Variants in KDM7A observed in about 807,000 individuals in gnomAD.
The protein encoded by KDM7A is lysine-specific demethylase 7A.
KDM7A carries 28 observed loss-of-function variants against 114.8 expected under a neutral mutation model. The ratio of observed to expected loss-of-function variants is 0.24; its 90% CI spans 0.18 to 0.33. The LOEUF is 0.33. Among genes scored for constraint, KDM7A ranks in the 10% least tolerant of loss-of-function variants. The pLI is 1.00. For synonymous variants in KDM7A, 423 were observed against 397.8 expected (o/e 1.06, Z -0.75); for missense variants, 942 against 1,142.5 (o/e 0.82, Z 2.53).
chr7:140,123,110 A>G (rs1818641380), intron 7 of KDM7A, among the ~76,000 whole-genome samples: 1 of 152,240 alleles, frequency 6.6e-6, no homozygotes, highest in Non-Finnish European at 1.5e-5. Flanking sequence ...AATGCTCAGC[A>G]TCATTACTCA....
At chr7:140,112,121 A>G (rs745589634) in intron 10 of KDM7A, among the ~76,000 whole-genome samples, 1 of 152,248 alleles carries the variant, frequency 6.6e-6, no homozygotes, top group Non-Finnish European at 1.5e-5. Flanking sequence ...CACCTAGACA[A>G]TAAGGTCTTT....
At chr7:140,133,411 G>A (rs1166515194) in intron 3 of KDM7A, 128 bp downstream of exon 3, 1 of 559,528 alleles carries the variant, frequency 1.8e-6, no homozygotes, top group African/African-American at 1.9e-5. Flanking sequence ...GAAAAAAGGT[G>A]AAAAGCTGGC....
intron 11 of KDM7A, among the ~76,000 whole-genome samples, chr7:140,110,027 C>A (rs1458296857): frequency 1.3e-5 from 2 of 152,198 alleles, no homozygotes; most frequent in Non-Finnish European, 2.9e-5. Flanking sequence ...TGGATCCTTT[C>A]ATTCTTCTGA....
intron 11 of KDM7A, among the ~76,000 whole-genome samples, chr7:140,107,621 G>A (rs1388982777): frequency 6.6e-6 from 1 of 152,200 alleles, no homozygotes; most frequent in Non-Finnish European, 1.5e-5. Context: ...CTGGCTTGTA[G>A]AGTTTCTGCC....
Position 140,091,856 on chromosome 7 carries a change from G to T in KDM7A, c.2679C>A (p.Pro893=). ...GTGGATTTGATGCCGGTCTCTTGGT[G>T]GGGTGAAGGGGCACCGAGAAGGAAG... ...GETSFSVPLH[P]TKRPASNPPP... Residue 893 remains proline (P), a synonymous_variant, in exon 19 of 20, where the codon CCC becomes CCA. Coordinates refer to ENST00000397560, the MANE Select transcript of KDM7A (RefSeq NM_030647.2). 6.2e-7 allele frequency: 1 copy of T among 1,613,716 alleles called. No homozygotes were observed. The highest frequency in any genetic ancestry group is 8.5e-7 in the Non-Finnish European group (1 of 1,179,938).
intron 1 of KDM7A, among the ~76,000 whole-genome samples, chr7:140,167,007 T>C (rs1200515563): frequency 2.6e-5 from 4 of 152,116 alleles, no homozygotes; most frequent in South Asian, 4.1e-4. Flanking sequence ...ATCTCATTTA[T>C]AATACTAACA....
chr7:140,173,100 G>T (rs1242597370), intron 1 of KDM7A, among the ~76,000 whole-genome samples: 1 of 152,134 alleles, frequency 6.6e-6, no homozygotes, highest in African/African-American at 2.4e-5. Flanking sequence ...AAGTATTACA[G>T]AAAGACATCT....
chr7:140,145,762 C>A (rs1475536043), intron 1 of KDM7A, among the ~76,000 whole-genome samples: 1 of 152,094 alleles, frequency 6.6e-6, no homozygotes, highest in African/African-American at 2.4e-5. Flanking sequence ...TGGCCACATT[C>A]CTCACTCCTA....
chr7:140,100,679 TACATATATAC>T (rs1261700338), intron 12 of KDM7A, among the ~76,000 whole-genome samples: 938 of 63,692 alleles, frequency 0.015, 34 homozygotes, highest in African/African-American at 0.055. Context: ...TATATATATA[TACATATATAC>T]ATATATATAT....
At chr7:140,150,261 CATT>C (rs1228693304) in intron 1 of KDM7A, among the ~76,000 whole-genome samples, 2 of 152,140 alleles carry the variant, frequency 1.3e-5, no homozygotes, top group African/African-American at 4.8e-5. Context: ...CAAGAAGAAA[CATT>C]ATACAAAAAC....
At chr7:140,125,465 C>A (rs974152283) in intron 6 of KDM7A, among the ~76,000 whole-genome samples, 5 of 152,182 alleles carry the variant, frequency 3.3e-5, no homozygotes, top group Non-Finnish European at 7.3e-5. Flanking sequence ...AATTACATTC[C>A]ATTTTAATTA....
chr7:140,158,445 G>T (rs1794482816), intron 1 of KDM7A, among the ~76,000 whole-genome samples: 2 of 152,280 alleles, frequency 1.3e-5, no homozygotes, highest in South Asian at 2.1e-4. Flanking sequence ...TAAAGATTCT[G>T]CCCTGAACAA....
At chr7:140,122,165 TGA>T (rs1818626949) in intron 7 of KDM7A, among the ~76,000 whole-genome samples, 1 of 152,242 alleles carries the variant, frequency 6.6e-6, no homozygotes, top group Non-Finnish European at 1.5e-5. Flanking sequence ...GTGTTGCCAC[TGA>T]CACACACCTA....
rs1585175445 is a variant in KDM7A, at chr7:140,176,957, G to C, written c.-20C>G. ...GGCCATCTTTAAAAAACACACACAC[G>C]CTCGCTCGCTACTCCGCTCGCCGAC... On this transcript the variant is annotated 5_prime_UTR_variant, in exon 1 of 20. Transcript: ENST00000397560. The surrounding 1 kb of genome is among the most constrained non-coding windows in gnomAD (Gnocchi z 4.4). 4 of 1,120,018 alleles carry C rather than the reference G, an allele frequency of 3.6e-6. No individual in the cohort carries two copies. Among genetic ancestry groups the C allele is most frequent in the South Asian group, 4.2e-5 (1 of 23,764 alleles). 69.4% of individuals were successfully genotyped at this position (1,120,018 alleles called of 1,614,324 possible).
At chr7:140,146,219 T>C (rs961854647) in intron 1 of KDM7A, among the ~76,000 whole-genome samples, 5 of 152,122 alleles carry the variant, frequency 3.3e-5, no homozygotes, top group African/African-American at 1.2e-4. Flanking sequence ...AAATTAACCA[T>C]ACAAAATACA....
chr7:140,150,811 C>T (rs751610921), intron 1 of KDM7A, among the ~76,000 whole-genome samples: 9 of 151,736 alleles, frequency 5.9e-5, no homozygotes, highest in Non-Finnish European at 1.2e-4. Flanking sequence ...ATGAGTGTGG[C>T]CCAATAATCT....
chr7:140,111,284 A>G, intron 10 of KDM7A, 100 bp from the exon 11 acceptor site: 1 of 688,444 alleles, frequency 1.5e-6, no homozygotes, highest in Non-Finnish European at 2.5e-6. Context: ...CTAAACTGTT[A>G]CAGACATCGC....
At chr7:140,136,209 A>T (rs533539126) in intron 2 of KDM7A, among the ~76,000 whole-genome samples, 1 of 152,344 alleles carries the variant, frequency 6.6e-6, no homozygotes, top group Admixed American at 6.5e-5. Context: ...TAGCTAGATC[A>T]TTTTTCTCAT....
chr7:140,169,803 G>A (rs1794618349), intron 1 of KDM7A, among the ~76,000 whole-genome samples: 1 of 152,188 alleles, frequency 6.6e-6, no homozygotes, highest in African/African-American at 2.4e-5. Context: ...GGATTAGCGT[G>A]AGCCACTGTG....
Sources: gnomAD v4.1 joint callset for allele counts (sites outside exome capture counted in the v4.1 genomes callset) on GRCh38, gnomAD v4.1.1 for gene constraint, Gnocchi (gnomAD v3.1) non-coding constraint, MANE v1.5 for transcripts, NCBI Gene and HGNC (gene_info 2026-07-23, HGNC 2026-07-21) for gene names.